PRKCZ: variants seen among roughly 807,000 people sequenced by gnomAD.
PRKCZ encodes protein kinase C zeta type.
A neutral mutation model predicts 79.5 loss-of-function variants in PRKCZ; 33 were observed. The ratio of observed to expected loss-of-function variants is 0.41; its 90% confidence interval spans 0.31 to 0.55. The LOEUF is 0.55. PRKCZ is among the 20% of genes least tolerant of loss of function. The pLI is 0.19. For missense variants in PRKCZ, 578 were observed against 813.5 expected (o/e 0.71, Z 3.52); for synonymous variants, 342 against 320.9 (o/e 1.07, Z -0.70).
At chr1:2,072,533 G>A (rs1226827477) in intron 4 of PRKCZ, among the ~76,000 whole-genome samples, 3 of 133,764 alleles carry the variant, frequency 2.2e-5, no homozygotes, top group South Asian at 4.9e-4. Flanking sequence ...GCATTGGGTC[G>A]GCCAGGTGGA....
rs1359013584 is a variant in PRKCZ at position 2,059,417 on chromosome 1, C to T, written c.284-124C>T. On this transcript the variant is annotated intron_variant, in intron 3 of 17. Coordinates refer to ENST00000378567, the MANE Select transcript of PRKCZ (RefSeq NM_002744.6). ...TCTCCCAGGAGCGGGCTCTCATTGG[C>T]AGTGCCACGTGCGCCTTGCGTGAAG... The T allele has an allele frequency of 6.9e-6, 8 of 1,154,338 alleles. No individual in the cohort carries two copies. The East Asian group carries it at 1.5e-4, about 22-fold the overall frequency. 71.5% of individuals were successfully genotyped at this position (1,154,338 alleles called of 1,614,324 possible).
Position 2,185,253 on chromosome 1 carries a change from C to T in PRKCZ, c.*244C>T, listed in dbSNP as rs369643954. 11 of 713,796 alleles carry T rather than the reference C, an allele frequency of 1.5e-5. No homozygotes were observed. The highest frequency in any genetic ancestry group is 4.0e-5 in the Admixed American group (2 of 49,970). The allele number at this position is 713,796 out of a possible 1,614,324, so 44.2% of individuals were successfully genotyped here. On this transcript the variant is annotated 3_prime_UTR_variant, in exon 18 of 18. Coordinates refer to ENST00000378567, the MANE Select transcript of PRKCZ (RefSeq NM_002744.6). ...TGCTGTGCCTGCGTCGCGGCGGATC[C>T]GCGGGGACCCTGCCGAGGGGGCTGT...
Position 2,093,015 on chromosome 1 carries a change from C to T in PRKCZ, c.334+33424C>T, listed in dbSNP as rs533283757. ...GTGTGGGGACCGGGTGCCACCTCAC[C>T]CCCCAGTTACACCCACACGAGGCCG... On this transcript the variant is annotated intron_variant, in intron 4 of 17. Transcript: ENST00000378567. Among the ~76,000 whole-genome samples, 3 of 152,342 alleles carry T rather than the reference C, an allele frequency of 2.0e-5. No homozygotes were observed. The East Asian group carries it at 5.8e-4, about 29-fold the overall frequency.
intron 4 of PRKCZ, among the ~76,000 whole-genome samples, chr1:2,100,197 AATTTT>A (rs1323062872): frequency 6.6e-6 from 1 of 152,204 alleles, no homozygotes; most frequent in Admixed American, 6.5e-5. Context: ...TCCTGGGTTT[AATTTT>A]ATTTTGCAGT....
Position 2,172,506 on chromosome 1 carries a change from G to C in PRKCZ, c.1285+118G>C, listed in dbSNP as rs1441718795. On this transcript the variant is annotated intron_variant, in intron 13 of 17. Coordinates refer to ENST00000378567, the MANE Select transcript of PRKCZ (RefSeq NM_002744.6). The surrounding 1 kb of genome is among the most constrained non-coding windows in gnomAD (Gnocchi z 7.8). ...ATCTTACACCCAAAAGCCACACACT[G>C]TCTTTCCCAGCCGGATGTCATCATC... The C allele has an allele frequency of 2.6e-6, 3 of 1,136,244 alleles. No homozygotes were observed. The highest frequency in any genetic ancestry group is 3.7e-6 in the Non-Finnish European group (3 of 820,122). 70.4% of individuals were successfully genotyped at this position (1,136,244 alleles called of 1,614,324 possible).
At chr1:2,114,777 A>AAAAAAG (rs562018257) in intron 4 of PRKCZ, among the ~76,000 whole-genome samples, 11 of 152,338 alleles carry the variant, frequency 7.2e-5, no homozygotes, top group South Asian at 6.2e-4. Context: ...CGTCTCAAAA[A>AAAAAAG]AAAAAGAAAA....
At chr1:2,160,786 C>G (rs1682098915) in intron 10 of PRKCZ, among the ~76,000 whole-genome samples, 1 of 152,076 alleles carries the variant, frequency 6.6e-6, no homozygotes, top group Non-Finnish European at 1.5e-5. Context: ...CAGACAGGCA[C>G]AGAGCGGAGC....
intron 4 of PRKCZ, chr1:2,074,144 C>T: frequency 1.3e-6 from 2 of 1,542,126 alleles, no homozygotes; most frequent in Non-Finnish European, 1.8e-6. Context: ...CAGCTCCCAG[C>T]AATGTCAGGG....
intron 5 of PRKCZ, among the ~76,000 whole-genome samples, chr1:2,138,503 G>A (rs565644117): frequency 2.0e-5 from 3 of 152,204 alleles, no homozygotes; most frequent in Admixed American, 6.5e-5. Flanking sequence ...AGCACTTCTT[G>A]CAGAGGAGGG....
chr1:2,106,603 C>T (rs78515586), intron 4 of PRKCZ, among the ~76,000 whole-genome samples: 1,353 of 17,710 alleles, frequency 0.076, 428 homozygotes, highest in Middle Eastern at 0.14. Flanking sequence ...AGGACCTCCA[C>T]ACGTGTCACC....
intron 5 of PRKCZ, 124 bp from the exon 6 acceptor site, chr1:2,144,086 C>A: frequency 2.2e-6 from 3 of 1,378,352 alleles, no homozygotes; most frequent in East Asian, 2.6e-5. Context: ...GACAAGGTGC[C>A]GGGGCCACCT....
Position 2,168,927 on chromosome 1 carries a change from G to A in PRKCZ, c.975-591G>A, listed in dbSNP as rs551117482. Reference sequence around the variant, plus strand: ...AACCATGTGGCCCAGTCCCTGAGACGGGAAGGGCCTGCGTGGTCCTGATGA... The same window carrying A: ...AACCATGTGGCCCAGTCCCTGAGACAGGAAGGGCCTGCGTGGTCCTGATGA... On this transcript the variant is annotated intron_variant, in intron 10 of 17. Coordinates refer to ENST00000378567, the MANE Select transcript of PRKCZ (RefSeq NM_002744.6). The surrounding 1 kb of genome is among the most constrained non-coding windows in gnomAD (Gnocchi z 4.7). 6 of 303,798 alleles carry A rather than the reference G, an allele frequency of 2.0e-5. No individual in the cohort carries two copies. The highest frequency in any genetic ancestry group is 1.1e-4 in the South Asian group (4 of 36,416). 18.8% of individuals were successfully genotyped at this position (303,798 alleles called of 1,614,324 possible).
At chr1:2,050,241 G>T (rs968777640), upstream of PRKCZ, among the ~76,000 whole-genome samples, 1 of 151,748 alleles carries the variant, frequency 6.6e-6, no homozygotes, top group African/African-American at 2.4e-5. Context: ...AGGTAGCCCC[G>T]CCCGACAGGT....
chr1:2,094,885 G>A lies in PRKCZ; in HGVS notation c.334+35294G>A, dbSNP rs184809881. Among the ~76,000 whole-genome samples, 174 of 152,272 alleles carry A rather than the reference G, an allele frequency of 1.1e-3. No homozygotes were observed. The highest frequency in any genetic ancestry group is 4.1e-3 in the African/African-American group (169 of 41,518). On this transcript the variant is annotated intron_variant, in intron 4 of 17. Coordinates refer to ENST00000378567, the MANE Select transcript of PRKCZ (RefSeq NM_002744.6). The surrounding 1 kb of genome is among the most constrained non-coding windows in gnomAD (Gnocchi z 7.3). ...TCACTTCTCTTAGAGCCTGGTTTTG[G>A]CCCTCTCTCTCCTGCCTATAAAAAG...
intron 4 of PRKCZ, among the ~76,000 whole-genome samples, chr1:2,109,722 C>T (rs1244676244): frequency 1.3e-5 from 2 of 152,170 alleles, no homozygotes; most frequent in Non-Finnish European, 2.9e-5. Context: ...GGGTCGGGCT[C>T]TCATTCTCCC....
At position 2,082,314 on chromosome 1, in the gene PRKCZ, G is replaced by A. The variant is rs982800350; in HGVS notation, c.334+22723G>A. ...GGAGCTGGGGGCTGCCAGAGCGGCTGTTCAAGATGGACTTGGCAAATCACC... is the reference window on the plus strand; with the variant it reads ...GGAGCTGGGGGCTGCCAGAGCGGCTATTCAAGATGGACTTGGCAAATCACC... On this transcript the variant is annotated intron_variant, in intron 4 of 17. Transcript: ENST00000378567. The surrounding 1 kb of genome is among the most constrained non-coding windows in gnomAD (Gnocchi z 4.4). The A allele has an allele frequency of 1.3e-5, 6 of 451,844 alleles. No individual in the cohort carries two copies. The highest frequency in any genetic ancestry group is 1.0e-4 in the African/African-American group (5 of 49,916). The allele number at this position is 451,844 out of a possible 1,614,324, so 28.0% of individuals were successfully genotyped here. A position where few individuals can be genotyped will look rare whatever the true frequency, so the allele number is the denominator to read the frequency against.
At chr1:2,058,155 C>T (rs549198397) in intron 3 of PRKCZ, among the ~76,000 whole-genome samples, 12 of 152,286 alleles carry the variant, frequency 7.9e-5, no homozygotes, top group South Asian at 4.1e-4. Context: ...GCGTGAGCCA[C>T]GGTGCCCGGC....
At chr1:2,105,069 C>G (rs893297219) in intron 4 of PRKCZ, among the ~76,000 whole-genome samples, 1 of 152,174 alleles carries the variant, frequency 6.6e-6, no homozygotes, top group Non-Finnish European at 1.5e-5. Flanking sequence ...TTGTTGAGAA[C>G]GAGTAACCCC....
chr1:2,146,183 G>A lies in PRKCZ; in HGVS notation c.634+75G>A, dbSNP rs945080308. The A allele has an allele frequency of 3.4e-5, 49 of 1,421,532 alleles. No homozygotes were observed. The Admixed American group carries it at 3.6e-4, about 11-fold the overall frequency. 88.1% of individuals were successfully genotyped at this position (1,421,532 alleles called of 1,614,324 possible). ...CTGCTCACCTCTGCCTTCTAGCCAC[G>A]AGTCCTTTCTCAGTCCCATCTGCTC... On this transcript the variant is annotated intron_variant, in intron 7 of 17. Transcript: ENST00000378567.
Sources: allele counts gnomAD v4.1 joint callset (sites outside exome capture counted in the v4.1 genomes callset), GRCh38; gene constraint gnomAD v4.1.1; non-coding constraint Gnocchi (gnomAD v3.1); transcripts MANE v1.5; gene names NCBI Gene and HGNC (gene_info 2026-07-23, HGNC 2026-07-21).